The following FGFR1 variants were observed in gnomAD, a reference collection of about 807,000 sequenced individuals.
FGFR1 encodes fibroblast growth factor receptor 1.
In FGFR1, 18 loss-of-function variants were observed where a neutral mutation model predicts 93.7. The observed-to-expected ratio is 0.19, with a 90% CI of 0.13 to 0.28. FGFR1 has a LOEUF of 0.28. FGFR1 is among the 10% of genes least tolerant of loss of function. The probability of loss-of-function intolerance (pLI) is 1.00; values close to 1 mark genes in which losing one functional copy is unlikely to be tolerated. For missense variants in FGFR1, 731 were observed against 1,080.4 expected (o/e 0.68, Z 4.53); for synonymous variants, 448 against 429.3 (o/e 1.04, Z -0.54).
chr8:38,440,259 GT>G, intron 2 of FGFR1: 2 of 1,552,672 alleles, frequency 1.3e-6, no homozygotes, highest in African/African-American at 1.4e-5. Context: ...CTCTGCAGAG[GT>G]TTTTTTATTA....
chr8:38,432,942 A>T (rs1355911467), intron 2 of FGFR1, among the ~76,000 whole-genome samples: 1 of 109,208 alleles, frequency 9.2e-6, no homozygotes, highest in Admixed American at 1.4e-4. Flanking sequence ...TGCTTTCAGC[A>T]CGGCTGCATC....
At chr8:38,421,759 G>A (rs750355745) in intron 8 of FGFR1, 38 bp downstream of exon 8, 39 of 1,609,320 alleles carry the variant, frequency 2.4e-5, no homozygotes, top group South Asian at 1.5e-4. Context: ...TGCCCGTGGC[G>A]AGGGCAGGAC....
rs1164001578 is a variant in FGFR1 at position 38,429,925 on chromosome 8, C to T, written c.115G>A (p.Glu39Lys). The change falls in exon 3 of 18, where the codon GAA becomes AAA. Residue 39 changes from glutamate (E) to lysine (K), a missense_variant. Glu to Lys is a moderately conservative substitution (Grantham distance 56, BLOSUM62 1). Transcript: ENST00000447712. This position sits in a 1 kb window ranked among gnomAD's most constrained non-coding sequence, Gnocchi z 4.4. ...GGGTGGACCAGGAAGGACTCCACTT[C>T]CACAGGGGCTCCCCAGGGCTGGGCT... Reference protein sequence around the residue: ...EQAQPWGAPVEVESFLVHPGD... With the variant: ...EQAQPWGAPVKVESFLVHPGD... 7 of 1,612,128 alleles carry T rather than the reference C, an allele frequency of 4.3e-6. No homozygotes were observed. Among genetic ancestry groups the T allele is most frequent in the Non-Finnish European group, 5.9e-6 (7 of 1,179,284 alleles).
chr8:38,442,808 ATG>A (rs1827972307), intron 2 of FGFR1, among the ~76,000 whole-genome samples: 1 of 152,090 alleles, frequency 6.6e-6, no homozygotes, highest in African/African-American at 2.4e-5. Context: ...CTGTTTCAGG[ATG>A]TGTCTTCTGG....
intron 12 of FGFR1, among the ~76,000 whole-genome samples, chr8:38,416,739 G>A (rs1816805332): frequency 6.6e-6 from 1 of 152,040 alleles, no homozygotes; most frequent in African/African-American, 2.4e-5. Flanking sequence ...ACAGGCGTGA[G>A]CCACTGTGCC....
chr8:38,418,430 C>T lies in FGFR1; in HGVS notation c.1285-57G>A, dbSNP rs2150683131. ...AGGAGGGGGGACGGGGTGACTCCTTCCCATTCTTAGTCAGGGCTTCCCAAC... is the reference window on the plus strand; with the variant it reads ...AGGAGGGGGGACGGGGTGACTCCTTTCCATTCTTAGTCAGGGCTTCCCAAC... On this transcript the variant is annotated intron_variant, in intron 9 of 17. Coordinates refer to ENST00000447712, the MANE Select transcript of FGFR1 (RefSeq NM_023110.3). 13 of 1,573,678 alleles carry T rather than the reference C, an allele frequency of 8.3e-6. No individual in the cohort carries two copies. In the Middle Eastern group the frequency reaches 8.4e-4, roughly 102 times the overall value.
In FGFR1 at chr8:38,428,448, G is replaced by C. The variant is rs376369060; in HGVS notation, c.359-13C>G. On this transcript the variant is annotated splice_polypyrimidine_tract_variant and intron_variant, in intron 3 of 17. Transcript: ENST00000447712. ...GAGGGGAGAGCATCTATGGGAAGAA[G>C]AAGGGGCACTGAGGTTCCTCCTAGG... The C allele has an allele frequency of 5.4e-5, 86 of 1,604,902 alleles. 1 individual carries two copies. The Middle Eastern group carries it at 7.7e-4, about 14-fold the overall frequency.
At chr8:38,419,000 T>G (rs529143537) in intron 9 of FGFR1, among the ~76,000 whole-genome samples, 2 of 152,206 alleles carry the variant, frequency 1.3e-5, no homozygotes, top group Admixed American at 6.5e-5. Context: ...CTGATGATTT[T>G]ATAAAGGGGA....
chr8:38,423,086 G>A (rs767312882), intron 7 of FGFR1: 8 of 779,426 alleles, frequency 1.0e-5, no homozygotes, highest in Non-Finnish European at 1.9e-5. Flanking sequence ...CAATATAATT[G>A]GAAACCTTAC....
At chr8:38,423,674 A>AG (rs1403053073) in intron 7 of FGFR1, 2 of 157,086 alleles carry the variant, frequency 1.3e-5, no homozygotes, top group African/African-American at 4.8e-5. Context: ...AAAAAAAAAA[A>AG]AAAAAAAAAG....
chr8:38,441,129 C>T (rs11777067), intron 2 of FGFR1, among the ~76,000 whole-genome samples: 25,692 of 150,488 alleles, frequency 0.17, 2,738 homozygotes, highest in East Asian at 0.31. Context: ...ACTTGGGAAT[C>T]GCAGGCGCCA....
At chr8:38,419,911 T>C (rs1586205709) in intron 8 of FGFR1, 176 bp from the exon 9 acceptor site, 1 of 610,048 alleles carries the variant, frequency 1.6e-6, no homozygotes, top group Non-Finnish European at 2.9e-6. Flanking sequence ...GGCAACCCCC[T>C]GATTTTGGAG....
At chr8:38,451,525 C>A (rs558666587) in intron 2 of FGFR1, among the ~76,000 whole-genome samples, 4 of 152,300 alleles carry the variant, frequency 2.6e-5, no homozygotes, top group South Asian at 4.1e-4. Flanking sequence ...GCCTCTCCCC[C>A]ATAGGTGCAG....
chr8:38,419,437 G>A (rs1817906111), intron 9 of FGFR1, 96 bp downstream of exon 9: 10 of 1,171,756 alleles, frequency 8.5e-6, no homozygotes, highest in Non-Finnish European at 1.3e-5. Flanking sequence ...AGAAAATAAG[G>A]CCCAAAGCTA....
At chr8:38,422,088 C>T (rs1348369566) in intron 7 of FGFR1, 147 bp from the exon 8 acceptor site, 27 of 941,572 alleles carry the variant, frequency 2.9e-5, no homozygotes, top group Non-Finnish European at 4.3e-5. Flanking sequence ...CAAACGAAAA[C>T]CACCAGGCAG....
At chr8:38,450,640 G>A (rs1475056018) in intron 2 of FGFR1, among the ~76,000 whole-genome samples, 1 of 152,072 alleles carries the variant, frequency 6.6e-6, no homozygotes, top group African/African-American at 2.4e-5. Flanking sequence ...CTGCTGACCC[G>A]ACTCCAGGTA....
chr8:38,462,305 A>AC (rs1834566518), intron 1 of FGFR1, among the ~76,000 whole-genome samples: 1 of 152,174 alleles, frequency 6.6e-6, no homozygotes, highest in South Asian at 2.1e-4. Flanking sequence ...AGAGGTCGAC[A>AC]CCATCCTGGC....
chr8:38,421,699 G>T, intron 8 of FGFR1, 98 bp downstream of exon 8: 1 of 1,319,546 alleles, frequency 7.6e-7, no homozygotes, highest in Non-Finnish European at 1.1e-6. Flanking sequence ...CATTCTTCCA[G>T]CTCTCCTGCC....
chr8:38,425,864 A>C, intron 6 of FGFR1: 1 of 535,266 alleles, frequency 1.9e-6, no homozygotes, highest in Non-Finnish European at 3.4e-6. Flanking sequence ...CGCCTCCTTC[A>C]GGACAGACTC....
Sources: gnomAD v4.1 joint callset for allele counts (sites outside exome capture counted in the v4.1 genomes callset) on GRCh38, gnomAD v4.1.1 for gene constraint, Gnocchi (gnomAD v3.1) non-coding constraint, MANE v1.5 for transcripts, NCBI Gene and HGNC (gene_info 2026-07-23, HGNC 2026-07-21) for gene names.